Variants in DOCK4 observed in about 807,000 individuals in gnomAD.
The protein encoded by DOCK4 is dedicator of cytokinesis protein 4.
DOCK4 carries 97 observed loss-of-function variants against 268.1 expected under a neutral mutation model. The observed-to-expected ratio is 0.36, with a 90% CI of 0.31 to 0.43. DOCK4 has a LOEUF of 0.43. Ranked by LOEUF, DOCK4 falls within the 20% of genes least tolerant of loss-of-function variation. DOCK4 has a pLI of 1.00. For synonymous variants in DOCK4, 954 were observed against 887.2 expected (o/e 1.08, Z -1.34); for missense variants, 2,145 against 2,455.7 (o/e 0.87, Z 2.67).
chr7:112,016,696 T>C lies in DOCK4; in HGVS notation c.38-12565A>G, dbSNP rs144389906. Among the ~76,000 whole-genome samples the C allele has an allele frequency of 9.2e-5, 14 of 152,304 alleles. No homozygotes were observed. In the East Asian group the frequency reaches 2.1e-3, roughly 23 times the overall value. On this transcript the variant is annotated intron_variant, in intron 1 of 52. Coordinates refer to ENST00000428084, the MANE Select transcript of DOCK4 (RefSeq NM_001363540.2). ...CTTTTTGAAGTGGATACAATATACT[T>C]AGTTTAGTCTTGATTTCTTTAACAT...
At chr7:111,782,781 T>G in intron 35 of DOCK4, 83 bp downstream of exon 35, 1 of 1,394,030 alleles carries the variant, frequency 7.2e-7, no homozygotes, top group East Asian at 2.3e-5. Context: ...CATTGCAGAT[T>G]AAACACAAAC....
At chr7:112,091,616 T>C (rs1419493072) in intron 1 of DOCK4, among the ~76,000 whole-genome samples, 2 of 152,232 alleles carry the variant, frequency 1.3e-5, no homozygotes, top group East Asian at 3.9e-4. Context: ...TATACCTGGA[T>C]GCAGAAACGG....
intron 36 of DOCK4, among the ~76,000 whole-genome samples, chr7:111,773,352 T>G (rs1318506262): frequency 6.6e-6 from 1 of 152,208 alleles, no homozygotes; most frequent in Non-Finnish European, 1.5e-5. Flanking sequence ...AAGAACTGAT[T>G]TCTTATGACT....
At chr7:111,988,954 G>A (rs770990534) in intron 6 of DOCK4, 61 bp downstream of exon 6, 2 of 1,551,240 alleles carry the variant, frequency 1.3e-6, no homozygotes, top group Non-Finnish European at 1.7e-6. Context: ...TCTGGCTCAG[G>A]CCTATGTCAC....
At position 111,868,148 on chromosome 7, in the gene DOCK4, C is replaced by T; in HGVS notation, c.2116G>A (p.Glu706Lys). 1.3e-6 allele frequency: 2 copies of T among 1,575,556 alleles called. No individual in the cohort carries two copies. The highest frequency in any genetic ancestry group is 8.6e-7 in the Non-Finnish European group (1 of 1,163,694). Residue 706 changes from glutamate to lysine, a missense_variant, in exon 22 of 53, where the codon GAA becomes AAA. Glu to Lys is a moderately conservative substitution (Grantham distance 56, BLOSUM62 1). Transcript: ENST00000428084. ...EHIQEVLKAQ[E>K]YIFKYIVQSR... ...TGAACTATATACTTAAAAATGTATTCTTGTGCCTTAAAAATACAATTTTTA... is the reference window on the plus strand; with the variant it reads ...TGAACTATATACTTAAAAATGTATTTTTGTGCCTTAAAAATACAATTTTTA...
intron 1 of DOCK4, among the ~76,000 whole-genome samples, chr7:112,204,105 G>T (rs532229221): frequency 2.0e-5 from 3 of 151,906 alleles, no homozygotes; most frequent in African/African-American, 7.3e-5. Flanking sequence ...ACCCAAAACC[G>T]AGGTGTCTGC....
chr7:111,853,354 T>G (rs1804736962), intron 23 of DOCK4, among the ~76,000 whole-genome samples: 1 of 152,054 alleles, frequency 6.6e-6, no homozygotes, highest in African/African-American at 2.4e-5. Flanking sequence ...GCGGCCTCAG[T>G]ACGGGGAGAT....
chr7:111,996,267 T>C (rs1251828102), intron 4 of DOCK4, among the ~76,000 whole-genome samples: 1 of 151,964 alleles, frequency 6.6e-6, no homozygotes, highest in South Asian at 2.1e-4. Context: ...TGATTGGGGG[T>C]TGTCCAAGCA....
At chr7:111,757,933 C>T (rs1188129580) in intron 41 of DOCK4, among the ~76,000 whole-genome samples, 5 of 152,082 alleles carry the variant, frequency 3.3e-5, no homozygotes, top group African/African-American at 4.8e-5. Context: ...AAGGGGCAGA[C>T]TCTACTGAAC....
At chr7:111,756,221 C>G (rs939467538) in intron 41 of DOCK4, among the ~76,000 whole-genome samples, 1 of 152,134 alleles carries the variant, frequency 6.6e-6, no homozygotes, top group African/African-American at 2.4e-5. Flanking sequence ...TGGTGGCGGG[C>G]ACCTGTAGTC....
intron 30 of DOCK4, among the ~76,000 whole-genome samples, chr7:111,797,414 T>C (rs1049722001): frequency 2.0e-5 from 3 of 152,198 alleles, no homozygotes; most frequent in South Asian, 2.1e-4. Flanking sequence ...ATAGAAGTTT[T>C]CCAAAATTTA....
intron 8 of DOCK4, among the ~76,000 whole-genome samples, chr7:111,957,438 G>C (rs1490205698): frequency 6.6e-6 from 1 of 152,128 alleles, no homozygotes; most frequent in Non-Finnish European, 1.5e-5. Flanking sequence ...GAAGACTTTA[G>C]AAATCCCAAA....
chr7:111,840,932 A>C, intron 25 of DOCK4: 1 of 944,282 alleles, frequency 1.1e-6, no homozygotes, highest in Non-Finnish European at 1.5e-6. Context: ...GATTTTGTGA[A>C]AGACAAGACC....
chr7:111,883,596 T>C (rs749809869), intron 16 of DOCK4, among the ~76,000 whole-genome samples: 12 of 152,134 alleles, frequency 7.9e-5, no homozygotes, highest in Non-Finnish European at 1.3e-4. Context: ...TGATATCCCA[T>C]GTAGCTCAAC....
intron 1 of DOCK4, among the ~76,000 whole-genome samples, chr7:112,143,149 G>A (rs1169304036): frequency 6.6e-6 from 1 of 150,678 alleles, no homozygotes; most frequent in East Asian, 1.9e-4. Flanking sequence ...AAAACCAAAA[G>A]GTTAAAAAAA....
intron 16 of DOCK4, among the ~76,000 whole-genome samples, chr7:111,892,240 G>A (rs1808344651): frequency 6.6e-6 from 1 of 152,078 alleles, no homozygotes; most frequent in Non-Finnish European, 1.5e-5. Flanking sequence ...TACTCCTGTT[G>A]CCCAGGATGG....
chr7:112,028,449 C>T (rs1281722229), intron 1 of DOCK4, among the ~76,000 whole-genome samples: 1 of 152,202 alleles, frequency 6.6e-6, no homozygotes, highest in Admixed American at 6.5e-5. Context: ...AAAACAGCTA[C>T]TCCACTATTG....
chr7:111,892,562 C>A (rs1475544763), intron 16 of DOCK4, among the ~76,000 whole-genome samples: 5 of 152,180 alleles, frequency 3.3e-5, no homozygotes, highest in Admixed American at 6.5e-5. Flanking sequence ...AGGTAGGAAT[C>A]CAGCTCTTCC....
intron 1 of DOCK4, among the ~76,000 whole-genome samples, chr7:112,038,229 T>C (rs775048462): frequency 6.6e-6 from 1 of 152,220 alleles, no homozygotes; most frequent in Non-Finnish European, 1.5e-5. Context: ...TTTTCGATGT[T>C]ACTTGGATTT....
Sources: allele counts gnomAD v4.1 joint callset (sites outside exome capture counted in the v4.1 genomes callset), GRCh38; gene constraint gnomAD v4.1.1; transcripts MANE v1.5; gene names NCBI Gene and HGNC (gene_info 2026-07-23, HGNC 2026-07-21).